The following PKP4 variants were observed in gnomAD, a reference collection of about 807,000 sequenced individuals.
PKP4 encodes the protein plakophilin-4.
In PKP4, 90 loss-of-function variants were observed where a neutral mutation model predicts 145.1. The observed-to-expected ratio is 0.62, with a 90% confidence interval of 0.52 to 0.74. The LOEUF (loss-of-function observed/expected upper bound fraction) is 0.74, where lower values mean the gene tolerates loss of function less well. Among genes scored for constraint, PKP4 ranks in the 30% least tolerant of loss-of-function variants. The pLI is 0.00. For missense variants in PKP4, 1,340 were observed against 1,482.7 expected (o/e 0.90, Z 1.58); for synonymous variants, 563 against 577.2 (o/e 0.98, Z 0.35).
intron 2 of PKP4, among the ~76,000 whole-genome samples, chr2:158,567,955 G>C (rs1475610058): frequency 6.6e-6 from 1 of 152,210 alleles, no homozygotes; most frequent in African/African-American, 2.4e-5. Context: ...TACAGTTTGA[G>C]CCTGAATGAA....
Position 158,487,184 on chromosome 2 carries a change from G to A in PKP4, c.-6+29966G>A, listed in dbSNP as rs1408325737. 3.9e-5 allele frequency among the ~76,000 whole-genome samples: 6 copies of A among 152,144 alleles called. No homozygotes were observed. In the East Asian group the frequency reaches 1.2e-3, roughly 29 times the overall value. ...TTCACACTGCCTGTCAGCTTCGTGC[G>A]ATAGTTAAAAACAATTTGCAAGTGA... On this transcript the variant is annotated intron_variant, in intron 1 of 21. Coordinates refer to ENST00000389759, the MANE Select transcript of PKP4 (RefSeq NM_003628.6).
At chr2:158,503,964 G>GTT (rs1175555071) in intron 1 of PKP4, among the ~76,000 whole-genome samples, 1 of 87,312 alleles carries the variant, frequency 1.1e-5, no homozygotes, top group East Asian at 3.9e-4. Context: ...GTAAATTCTG[G>GTT]CTTTTTTTTT....
At chr2:158,671,739 G>T (rs1160623977) in intron 17 of PKP4, among the ~76,000 whole-genome samples, 1 of 152,218 alleles carries the variant, frequency 6.6e-6, no homozygotes, top group Non-Finnish European at 1.5e-5. Flanking sequence ...TGAGGTAGAC[G>T]CAGACAAGGT....
At chr2:158,574,099 ATACT>A (rs1253259988) in intron 2 of PKP4, among the ~76,000 whole-genome samples, 1 of 152,246 alleles carries the variant, frequency 6.6e-6, no homozygotes, top group African/African-American at 2.4e-5. Flanking sequence ...ATTTATCAGT[ATACT>A]TACTTGAGAG....
intron 11 of PKP4, among the ~76,000 whole-genome samples, chr2:158,655,588 A>G (rs969281345): frequency 6.6e-6 from 1 of 152,252 alleles, no homozygotes; most frequent in Non-Finnish European, 1.5e-5. Context: ...TTTACTTTCC[A>G]TAAACCTTGC....
intron 2 of PKP4, among the ~76,000 whole-genome samples, chr2:158,558,773 TAA>T (rs1316489222): frequency 6.6e-6 from 1 of 152,006 alleles, no homozygotes; most frequent in Non-Finnish European, 1.5e-5. Context: ...TGGAAATACA[TAA>T]AGAGGAGAAG....
At chr2:158,567,500 G>A (rs1174117586) in intron 2 of PKP4, among the ~76,000 whole-genome samples, 2 of 152,162 alleles carry the variant, frequency 1.3e-5, no homozygotes, top group Non-Finnish European at 2.9e-5. Context: ...TAACCCATGG[G>A]GTTAGGACAG....
intron 1 of PKP4, among the ~76,000 whole-genome samples, chr2:158,521,111 A>T (rs2042334925): frequency 6.6e-6 from 1 of 152,222 alleles, no homozygotes. Flanking sequence ...ATGGAATTAC[A>T]GGACTACAGA....
chr2:158,569,357 T>C (rs2047244219), intron 2 of PKP4, among the ~76,000 whole-genome samples: 1 of 152,174 alleles, frequency 6.6e-6, no homozygotes. Flanking sequence ...GATGGGTAGC[T>C]GTATGTTGCA....
chr2:158,625,333 A>G lies in PKP4; in HGVS notation c.1059A>G (p.Ser353=). Residue 353 remains serine, a synonymous_variant, in exon 7 of 22, where the codon TCA becomes TCG. Coordinates refer to ENST00000389759, the MANE Select transcript of PKP4 (RefSeq NM_003628.6). The part of the protein sequence containing the change: ...MTAVPQHLGP[S]LQRTVHDMEQ... ...CCGTACCACAGCATCTGGGACCTTCACTGCAAAGGACTGTTCATGACATGG... is the reference window on the plus strand; with the variant it reads ...CCGTACCACAGCATCTGGGACCTTCGCTGCAAAGGACTGTTCATGACATGG... The G allele has an allele frequency of 6.2e-7, 1 of 1,614,140 alleles. No individual in the cohort carries two copies.
At chr2:158,603,319 A>G (rs1270538120) in intron 4 of PKP4, among the ~76,000 whole-genome samples, 1 of 152,180 alleles carries the variant, frequency 6.6e-6, no homozygotes, top group Non-Finnish European at 1.5e-5. Context: ...AGCATTGAAC[A>G]GCAGCATTTT....
intron 1 of PKP4, among the ~76,000 whole-genome samples, chr2:158,508,043 C>T (rs1420756775): frequency 6.6e-6 from 1 of 151,976 alleles, no homozygotes; most frequent in Non-Finnish European, 1.5e-5. Flanking sequence ...ATCCCTTAGA[C>T]ATTCTACCCA....
At chr2:158,482,797 C>G (rs1404291014) in intron 1 of PKP4, among the ~76,000 whole-genome samples, 1 of 150,382 alleles carries the variant, frequency 6.6e-6, no homozygotes, top group Non-Finnish European at 1.5e-5. Context: ...GATCATGCCA[C>G]TTCTCTCCAG....
At chr2:158,676,910 C>T (rs200102517) in intron 20 of PKP4, 43 bp downstream of exon 20, 28 of 1,613,078 alleles carry the variant, frequency 1.7e-5, no homozygotes, top group African/African-American at 8.0e-5. Flanking sequence ...CTTGAAAAGC[C>T]GCATTTCCAG....
intron 1 of PKP4, among the ~76,000 whole-genome samples, chr2:158,523,083 T>G (rs1159101039): frequency 1.3e-5 from 2 of 152,150 alleles, no homozygotes; most frequent in Non-Finnish European, 2.9e-5. Context: ...CAGGCTTGCT[T>G]AGGTAAACAA....
chr2:158,654,674 G>A (rs1307746471), intron 11 of PKP4, among the ~76,000 whole-genome samples: 4 of 152,080 alleles, frequency 2.6e-5, no homozygotes, highest in East Asian at 1.9e-4. Context: ...GCAAAACTAT[G>A]CTGACAAATT....
intron 1 of PKP4, among the ~76,000 whole-genome samples, chr2:158,461,007 T>A (rs1378456488): frequency 6.6e-6 from 1 of 152,204 alleles, no homozygotes; most frequent in African/African-American, 2.4e-5. Context: ...CTTTCATTCT[T>A]ACATCAATGG....
At chr2:158,584,792 A>G (rs775015270) in intron 3 of PKP4, among the ~76,000 whole-genome samples, 12 of 152,236 alleles carry the variant, frequency 7.9e-5, no homozygotes, top group South Asian at 2.1e-4. Context: ...TTTCAAAACT[A>G]TAACTGTTCT....
intron 3 of PKP4, among the ~76,000 whole-genome samples, chr2:158,598,849 A>G (rs1461907063): frequency 6.6e-6 from 1 of 152,234 alleles, no homozygotes; most frequent in Non-Finnish European, 1.5e-5. Flanking sequence ...TCATGGGTAT[A>G]TAAACAAGTT....
Sources: allele counts gnomAD v4.1 joint callset (sites outside exome capture counted in the v4.1 genomes callset), GRCh38; gene constraint gnomAD v4.1.1; transcripts MANE v1.5; gene names NCBI Gene and HGNC (gene_info 2026-07-23, HGNC 2026-07-21).